Variants in INKA2 observed in about 807,000 individuals in gnomAD.
INKA2 encodes inka box actin regulator 2.
In INKA2, 3 loss-of-function variants were observed where a neutral mutation model predicts 9.8. The ratio of observed to expected loss-of-function variants is 0.31; its 90% CI spans 0.14 to 0.79. The LOEUF is 0.79. INKA2 is among the 30% of genes least tolerant of loss of function. The pLI is 0.62. For synonymous variants in INKA2, 147 were observed against 143.3 expected, an observed-to-expected ratio of 1.03 and a Z score of -0.18; for missense variants, 392 against 384.4, an observed-to-expected ratio of 1.02 and a Z score of -0.17.
chr1:111,726,890 C>T lies in INKA2; in HGVS notation c.*78G>A. On this transcript the variant is annotated 3_prime_UTR_variant, in exon 2 of 2. Transcript: ENST00000357260. ...AGTTGGGCTTTCGAGAGCCATACCG[C>T]CCACCCTCCCTCCTCCCCAGGGGCC... is the stretch of plus-strand genomic sequence containing the variant. 1.4e-6 allele frequency: 2 copies of T among 1,421,532 alleles called. No homozygotes were observed. The highest frequency in any genetic ancestry group is 9.6e-7 in the Non-Finnish European group (1 of 1,039,974). The allele number at this position is 1,421,532 out of a possible 1,614,324, so 88.1% of individuals were successfully genotyped here.
In INKA2 at chr1:111,727,043, A is replaced by C. The variant is rs1378278781; in HGVS notation, c.819T>G (p.Asn273Lys). The C allele has an allele frequency of 6.2e-7, 1 of 1,613,786 alleles. No individual in the cohort carries two copies. Among genetic ancestry groups the C allele is most frequent in the South Asian group, 1.1e-5 (1 of 91,060 alleles). The part of the protein sequence containing the change: ...PGTGEHRRGE[N>K]PPTSCPKALE... The stretch of plus-strand genomic sequence containing the variant: ...GGGCCTTGGGGCAGCTTGTGGGGGG[A>C]TTCTCCCCTCGCCTGTGCTCCCCGG... Residue 273 changes from asparagine to lysine, a missense_variant, in exon 2 of 2, where the codon AAT (asparagine) becomes AAG (lysine). Transcript: ENST00000357260.
chr1:111,736,468 C>T (rs1461625137), intron 1 of INKA2, among the ~76,000 whole-genome samples: 1 of 152,214 alleles, frequency 6.6e-6, no homozygotes, highest in Non-Finnish European at 1.5e-5. Context: ...AGGAGGGGAG[C>T]ACAAAACACC....
rs545079900 is a variant in INKA2, at chr1:111,724,605, A to G, written c.*2363T>C. ...CACACACACACACACACACACCACC[A>G]CTACCACCACCACCACCACCACCTC... On this transcript the variant is annotated 3_prime_UTR_variant, in exon 2 of 2. Coordinates refer to ENST00000357260, the MANE Select transcript of INKA2 (RefSeq NM_019099.5). The G allele has an allele frequency of 3.3e-5, 5 of 151,042 alleles. No homozygotes were observed. In the Admixed American group the frequency reaches 3.3e-4, roughly 10 times the overall value. The allele number at this position is 151,042 out of a possible 1,614,324, so 9.4% of individuals were successfully genotyped here. A position where few individuals can be genotyped will look rare whatever the true frequency, so the allele number is the denominator to read the frequency against.
At chr1:111,740,306 C>G (rs1024077518), upstream of INKA2, among the ~76,000 whole-genome samples, 5 of 152,286 alleles carry the variant, frequency 3.3e-5, no homozygotes, top group East Asian at 9.7e-4. Context: ...CAAAAGGAGC[C>G]GGGCGAGCGC....
intron 1 of INKA2, chr1:111,746,735 C>T (rs756559561): frequency 6.6e-6 from 1 of 152,136 alleles, no homozygotes; most frequent in Non-Finnish European, 1.5e-5. Flanking sequence ...TTTATTCTTC[C>T]AAAACCTTGG....
Position 111,727,310 on chromosome 1 carries a change from A to G in INKA2, c.552T>C (p.Thr184=). The G allele has an allele frequency of 6.2e-7, 1 of 1,613,716 alleles. No individual in the cohort carries two copies. The highest frequency in any genetic ancestry group is 8.5e-7 in the Non-Finnish European group (1 of 1,179,880). The change falls in exon 2 of 2, where the codon ACT becomes ACC. Residue 184 remains threonine, a synonymous_variant. Coordinates refer to ENST00000357260, the MANE Select transcript of INKA2 (RefSeq NM_019099.5). ...ELEKGGEKGE[T]GGAREPKGEK... is the part of the protein sequence containing the mutation. ...CTCCTTTGGGTTCACGTGCCCCCCC[A>G]GTCTCACCCTTCTCCCCACCCTTCT...
intron 1 of INKA2, chr1:111,754,574 C>T (rs906752817): frequency 6.6e-6 from 1 of 151,986 alleles, no homozygotes; most frequent in African/African-American, 2.4e-5. Context: ...TGCATGTTGC[C>T]CAGGCTGGCA....
At chr1:111,743,235 T>A (rs1270736716), upstream of INKA2, among the ~76,000 whole-genome samples, 1 of 152,114 alleles carries the variant, frequency 6.6e-6, no homozygotes, top group Non-Finnish European at 1.5e-5. Flanking sequence ...GGTTATCTCA[T>A]TCGAAAATAA....
chr1:111,750,257 G>C (rs1334607191), intron 1 of INKA2, among the ~76,000 whole-genome samples: 1 of 152,210 alleles, frequency 6.6e-6, no homozygotes, highest in Non-Finnish European at 1.5e-5. Context: ...TGTGCAGTGG[G>C]CATGGGCTCA....
chr1:111,736,989 C>T (rs996772215), intron 1 of INKA2, among the ~76,000 whole-genome samples: 1 of 152,188 alleles, frequency 6.6e-6, no homozygotes, highest in Non-Finnish European at 1.5e-5. Flanking sequence ...TGACACTCTA[C>T]TAGCTCTGTC....
chr1:111,752,673 C>G (rs1450572832), intron 1 of INKA2, among the ~76,000 whole-genome samples: 1 of 152,070 alleles, frequency 6.6e-6, no homozygotes, highest in Non-Finnish European at 1.5e-5. Context: ...AGTATGCCTT[C>G]CTTTATACTG....
Position 111,726,006 on chromosome 1 carries a change from G to A in INKA2, c.*962C>T, listed in dbSNP as rs1204315590. On this transcript the variant is annotated 3_prime_UTR_variant, in exon 2 of 2. Transcript: ENST00000357260. ...CCTGCCTTGCCCTCCCAAAGTGCTGGGATTACAGGCGTGAGCCACAGCGCC... is the reference window on the plus strand; with the variant it reads ...CCTGCCTTGCCCTCCCAAAGTGCTGAGATTACAGGCGTGAGCCACAGCGCC... 7.5e-6 allele frequency: 3 copies of A among 398,260 alleles called. No homozygotes were observed. Among genetic ancestry groups the A allele is most frequent in the Non-Finnish European group, 8.9e-6 (2 of 225,956 alleles). 24.7% of individuals were successfully genotyped at this position (398,260 alleles called of 1,614,324 possible).
At chr1:111,749,976 T>C (rs1449191533) in intron 1 of INKA2, among the ~76,000 whole-genome samples, 2 of 152,188 alleles carry the variant, frequency 1.3e-5, no homozygotes, top group Non-Finnish European at 2.9e-5. Context: ...CCCCCAGTTA[T>C]TGTTAAATGT....
Position 111,727,024 on chromosome 1 carries a change from T to TG in INKA2, c.837dup (p.Lys280GlnfsTer11), listed in dbSNP as rs750889736. 3 of 1,614,010 alleles carry TG rather than the reference T, an allele frequency of 1.9e-6. No homozygotes were observed. In the South Asian group the frequency reaches 3.3e-5, roughly 18 times the overall value. The stretch of plus-strand genomic sequence containing the variant: ...CCTGAGGGTGAGTGCTCCAGGGCCT[T>TG]GGGGCAGCTTGTGGGGGGATTCTCC... On this transcript the variant is annotated frameshift_variant, in exon 2 of 2. Transcript: ENST00000357260. LOFTEE classifies it high-confidence loss of function.
Position 111,726,220 on chromosome 1 carries a change from T to A in INKA2, c.*748A>T. 2.5e-6 allele frequency: 1 copy of A among 394,432 alleles called. No individual in the cohort carries two copies. The highest frequency in any genetic ancestry group is 4.5e-6 in the Non-Finnish European group (1 of 223,528). The allele number at this position is 394,432 out of a possible 1,614,324, so 24.4% of individuals were successfully genotyped here. A position where few individuals can be genotyped will look rare whatever the true frequency, so the allele number is the denominator to read the frequency against. On this transcript the variant is annotated 3_prime_UTR_variant, in exon 2 of 2. Coordinates refer to ENST00000357260, the MANE Select transcript of INKA2 (RefSeq NM_019099.5). Reference sequence around the variant, plus strand: ...CCTGCCTGCCTCGCTCACTTTCAAATGAGACCATGGAGATGAAAAGGCATT... The same window carrying A: ...CCTGCCTGCCTCGCTCACTTTCAAAAGAGACCATGGAGATGAAAAGGCATT...
At chr1:111,740,281 C>T (rs197440), upstream of INKA2, among the ~76,000 whole-genome samples, 121,600 of 152,248 alleles carry the variant, frequency 0.8, 48,938 homozygotes, top group East Asian at 0.96. Flanking sequence ...AAGGCCGGGA[C>T]GCTCCTTTGT....
chr1:111,732,463 G>T (rs1369086007), intron 1 of INKA2, among the ~76,000 whole-genome samples: 1 of 152,014 alleles, frequency 6.6e-6, no homozygotes. Flanking sequence ...GAACAAGCTT[G>T]CTCTCAGGGG....
In INKA2 at chr1:111,725,935, C is replaced by G; in HGVS notation, c.*1033G>C. ...TTTTTTTAGTAGAGACGGGGTTTCA[C>G]CATGTTGGCCAGGCTGGTCATGAAC... On this transcript the variant is annotated 3_prime_UTR_variant, in exon 2 of 2. Transcript: ENST00000357260. 1 of 384,330 alleles carries G rather than the reference C, an allele frequency of 2.6e-6. No homozygotes were observed. The highest frequency in any genetic ancestry group is 4.6e-6 in the Non-Finnish European group (1 of 217,318). 23.8% of individuals were successfully genotyped at this position (384,330 alleles called of 1,614,324 possible).
chr1:111,734,918 A>G (rs577498107), intron 1 of INKA2, among the ~76,000 whole-genome samples: 5 of 152,312 alleles, frequency 3.3e-5, no homozygotes, highest in Admixed American at 6.5e-5. Flanking sequence ...AGAGGTCTGC[A>G]TACAGGTACT....
Sources: allele counts gnomAD v4.1 joint callset (sites outside exome capture counted in the v4.1 genomes callset), GRCh38; gene constraint gnomAD v4.1.1; transcripts MANE v1.5; gene names NCBI Gene and HGNC (gene_info 2026-07-23, HGNC 2026-07-21).